Variants in NBEAL1 observed in about 807,000 individuals in gnomAD.
NBEAL1 encodes neurobeachin like 1.
NBEAL1 carries 273 observed loss-of-function variants against 351.3 expected under a neutral mutation model. The ratio of observed to expected loss-of-function variants is 0.78; its 90% CI spans 0.70 to 0.86. NBEAL1 has a LOEUF of 0.86. Among genes scored for constraint, NBEAL1 ranks in the 40% least tolerant of loss-of-function variants. The pLI is 0.00. For missense variants in NBEAL1, 2,961 were observed against 3,201.3 expected, an observed-to-expected ratio of 0.92 and a Z score of 1.81; for synonymous variants, 1,050 against 1,086.4, an observed-to-expected ratio of 0.97 and a Z score of 0.66.
chr2:203,151,710 T>C (rs1386657510), intron 35 of NBEAL1, 121 bp downstream of exon 35: 2 of 948,050 alleles, frequency 2.1e-6, no homozygotes, highest in Non-Finnish European at 2.9e-6. Context: ...CATTTTATAA[T>C]TGATATTTAA....
Position 203,132,055 on chromosome 2 carries a change from G to T in NBEAL1, c.3647G>T (p.Gly1216Val). ...CGACTCAGAGAAGTTGGCTACTCGG[G>T]ACTGGGACTCCTTCTTAATGAAGCA... is the stretch of plus-strand genomic sequence containing the variant. ...HIRLREVGYS[G>V]LGLLLNEALV... The change falls in exon 26 of 56, where the codon GGA (glycine) becomes GTA (valine). Residue 1216 changes from glycine (G) to valine (V), a missense_variant. Coordinates refer to ENST00000683969, the MANE Select transcript of NBEAL1 (RefSeq NM_001378026.1). 1 of 1,554,120 alleles carries T rather than the reference G, an allele frequency of 6.4e-7. No homozygotes were observed.
intron 26 of NBEAL1, among the ~76,000 whole-genome samples, 158 bp from the exon 27 acceptor site, chr2:203,132,900 A>T (rs943127815): frequency 2.0e-5 from 3 of 152,210 alleles, no homozygotes; most frequent in Non-Finnish European, 4.4e-5. Context: ...AGGATGTCAA[A>T]CATTCTAAAC....
intron 2 of NBEAL1, among the ~76,000 whole-genome samples, chr2:203,019,022 T>C (rs2060725984): frequency 6.6e-6 from 1 of 152,340 alleles, no homozygotes; most frequent in South Asian, 2.1e-4. Context: ...TTTTCATGTA[T>C]AGGCTCCCCT....
intron 18 of NBEAL1, among the ~76,000 whole-genome samples, chr2:203,120,893 ATTTG>A (rs2062814660): frequency 2.0e-5 from 3 of 152,202 alleles, no homozygotes; most frequent in South Asian, 4.1e-4. Flanking sequence ...ACGTTTAAGT[ATTTG>A]TTTGATTAAA....
At chr2:203,122,163 C>T in intron 18 of NBEAL1, 91 bp from the exon 19 acceptor site, 1 of 671,640 alleles carries the variant, frequency 1.5e-6, no homozygotes, top group Non-Finnish European at 2.4e-6. Flanking sequence ...ATCCTATATT[C>T]CTTTTTGTAT....
intron 10 of NBEAL1, chr2:203,086,293 A>G (rs1213896420): frequency 6.6e-6 from 1 of 151,978 alleles, no homozygotes; most frequent in South Asian, 2.1e-4. Context: ...GTCTTTCTGG[A>G]ATATTACCCT....
chr2:203,121,791 T>G (rs2062837858), intron 18 of NBEAL1, among the ~76,000 whole-genome samples: 1 of 151,992 alleles, frequency 6.6e-6, no homozygotes, highest in African/African-American at 2.4e-5. Context: ...TTTTTTATTT[T>G]TATTTATTTT....
intron 42 of NBEAL1, among the ~76,000 whole-genome samples, chr2:203,179,648 A>C (rs2064638274): frequency 6.6e-6 from 1 of 152,302 alleles, no homozygotes; most frequent in Middle Eastern, 3.4e-3. Flanking sequence ...TATATCAGTG[A>C]TTAAATCAGC....
rs1394595924 is a variant in NBEAL1, at chr2:203,213,529, G to A, written c.7946G>A (p.Ser2649Asn). 6.2e-7 allele frequency: 1 copy of A among 1,612,014 alleles called. No individual in the cohort carries two copies. The highest frequency in any genetic ancestry group is 1.7e-5 in the Admixed American group (1 of 59,712). The change falls in exon 55 of 56, where the codon AGC becomes AAC. Residue 2649 changes from serine (S) to asparagine (N), a missense_variant. Ser to Asn is a conservative substitution (Grantham distance 46). Transcript: ENST00000683969. ...SIRDLHSLNL[S>N]INPLAMRLPI... is the part of the protein sequence containing the mutation. Reference sequence around the variant, plus strand: ...TATTTCTTTTCTAGCTTGAATCTCAGCATCAACCCATTAGCCATGCGACTG... The same window carrying A: ...TATTTCTTTTCTAGCTTGAATCTCAACATCAACCCATTAGCCATGCGACTG...
chr2:203,201,948 G>A (rs112926099), intron 50 of NBEAL1, among the ~76,000 whole-genome samples: 5,453 of 151,836 alleles, frequency 0.036, 131 homozygotes, highest in Middle Eastern at 0.065. Context: ...GAAAATGTTA[G>A]GCTAAGTTGT....
chr2:203,056,539 T>C, intron 5 of NBEAL1, 31 bp downstream of exon 5: 4 of 1,196,468 alleles, frequency 3.3e-6, no homozygotes, highest in Non-Finnish European at 4.9e-6. Flanking sequence ...TTTGTCACTT[T>C]ACTGAGAACA....
chr2:203,147,292 AC>A (rs1176231052), intron 33 of NBEAL1, among the ~76,000 whole-genome samples: 1 of 152,192 alleles, frequency 6.6e-6, no homozygotes, highest in Non-Finnish European at 1.5e-5. Flanking sequence ...GTAAATTACT[AC>A]AAATAAGCAA....
chr2:203,110,557 C>T (rs917650375), intron 15 of NBEAL1, among the ~76,000 whole-genome samples: 4 of 151,266 alleles, frequency 2.6e-5, no homozygotes, highest in Non-Finnish European at 4.4e-5. Flanking sequence ...GCCTGTGGTC[C>T]CAGCCACTTG....
At chr2:203,135,452 A>G (rs1470744346) in intron 27 of NBEAL1, among the ~76,000 whole-genome samples, 1 of 152,168 alleles carries the variant, frequency 6.6e-6, no homozygotes, top group East Asian at 1.9e-4. Context: ...CAGATATTTT[A>G]GTGTACTCTT....
intron 18 of NBEAL1, among the ~76,000 whole-genome samples, 187 bp from the exon 19 acceptor site, chr2:203,122,067 T>C (rs1308650697): frequency 6.6e-6 from 1 of 152,184 alleles, no homozygotes; most frequent in Non-Finnish European, 1.5e-5. Context: ...ATTACAGGCA[T>C]GAGCCACCAC....
At chr2:203,190,105 C>T (rs1403742299) in intron 45 of NBEAL1, among the ~76,000 whole-genome samples, 187 bp from the exon 46 acceptor site, 1 of 149,470 alleles carries the variant, frequency 6.7e-6, no homozygotes, top group African/African-American at 2.5e-5. Context: ...CACTGCACTC[C>T]AGCCTGGGCA....
At chr2:203,084,225 A>G (rs562496523) in intron 9 of NBEAL1, among the ~76,000 whole-genome samples, 20 of 152,180 alleles carry the variant, frequency 1.3e-4, no homozygotes, top group Non-Finnish European at 2.8e-4. Flanking sequence ...AAATTCAGAT[A>G]AGTAAAAAGA....
intron 18 of NBEAL1, among the ~76,000 whole-genome samples, chr2:203,116,332 G>C (rs769016575): frequency 9.9e-5 from 15 of 152,160 alleles, no homozygotes; most frequent in Non-Finnish European, 1.8e-4. Context: ...CCGATGAATT[G>C]ACTTCAGTAA....
rs1462909568 is a variant in NBEAL1, at chr2:203,056,443, GAAGA to G, written c.325_328del (p.Glu109LeufsTer13). The stretch of plus-strand genomic sequence containing the variant: ...TTCTCACAGAAATCTATCAAATGTG[GAAGA>G]AATTGGGACTTGCTCGTACATTAAT... On this transcript the variant is annotated frameshift_variant, in exon 5 of 56. Coordinates refer to ENST00000683969, the MANE Select transcript of NBEAL1 (RefSeq NM_001378026.1). LOFTEE classifies it high-confidence loss of function. 1 of 1,544,144 alleles carries G rather than the reference GAAGA, an allele frequency of 6.5e-7. No homozygotes were observed. Among genetic ancestry groups the G allele is most frequent in the Admixed American group, 2.0e-5 (1 of 50,972 alleles).
Sources: gnomAD v4.1 joint callset for allele counts (sites outside exome capture counted in the v4.1 genomes callset) on GRCh38, gnomAD v4.1.1 for gene constraint, MANE v1.5 for transcripts, NCBI Gene and HGNC (gene_info 2026-07-23, HGNC 2026-07-21) for gene names.